NCK2: variants seen among roughly 807,000 people sequenced by gnomAD.
NCK2 encodes the protein NCK adaptor protein 2, also known as cytoplasmic protein NCK2.
A neutral mutation model predicts 33.9 loss-of-function variants in NCK2; 16 were observed. That is an observed-to-expected ratio of 0.47 (90% CI 0.32 to 0.72). NCK2 has a LOEUF of 0.72. NCK2 is among the 30% of genes least tolerant of loss of function. The pLI is 0.03. For missense variants in NCK2, 418 were observed against 537.3 expected (o/e 0.78, Z 2.19); for synonymous variants, 273 against 239.9 (o/e 1.14, Z -1.27).
intron 1 of NCK2, among the ~76,000 whole-genome samples, chr2:105,765,803 G>GTGTC (rs1553451282): frequency 3.3e-5 from 5 of 150,672 alleles, no homozygotes; most frequent in South Asian, 2.1e-4. Flanking sequence ...GTGTGTGTGT[G>GTGTC]TGTGTGTGTG....
intron 4 of NCK2, among the ~76,000 whole-genome samples, chr2:105,892,048 A>C (rs1679008012): frequency 6.6e-6 from 1 of 152,128 alleles, no homozygotes; most frequent in Non-Finnish European, 1.5e-5. Flanking sequence ...TTAGAATTAG[A>C]AAAATTAGCC....
chr2:105,844,631 G>A (rs545144031), intron 2 of NCK2, among the ~76,000 whole-genome samples: 5 of 150,296 alleles, frequency 3.3e-5, no homozygotes, highest in South Asian at 2.1e-4. Context: ...GCAGCTACTC[G>A]GGAGGGTGAG....
At chr2:105,887,104 A>G (rs1678752099) in intron 4 of NCK2, among the ~76,000 whole-genome samples, 1 of 152,232 alleles carries the variant, frequency 6.6e-6, no homozygotes, top group South Asian at 2.1e-4. Flanking sequence ...AGCTAGCAGC[A>G]TAAGTATAGG....
chr2:105,818,370 A>G (rs1411650106), intron 2 of NCK2, among the ~76,000 whole-genome samples: 1 of 151,758 alleles, frequency 6.6e-6, no homozygotes, highest in Non-Finnish European at 1.5e-5. Context: ...TGGCACATGT[A>G]TACATATATA....
chr2:105,782,751 T>C (rs996557028), intron 1 of NCK2, among the ~76,000 whole-genome samples: 2 of 152,110 alleles, frequency 1.3e-5, no homozygotes, highest in East Asian at 3.9e-4. Context: ...GCGAAGTGGA[T>C]GTCGGGGAGA....
At chr2:105,851,791 G>A (rs1307219664) in intron 2 of NCK2, 1 of 152,430 alleles carries the variant, frequency 6.6e-6, no homozygotes, top group Non-Finnish European at 1.5e-5. Context: ...CTGGAGTGAA[G>A]TGGTCGTTTA....
At chr2:105,807,244 C>T (rs971562172) in intron 1 of NCK2, among the ~76,000 whole-genome samples, 2 of 152,138 alleles carry the variant, frequency 1.3e-5, no homozygotes, top group Non-Finnish European at 1.5e-5. Context: ...TGGGAAGGGC[C>T]GCCCTCGCAG....
intron 1 of NCK2, among the ~76,000 whole-genome samples, chr2:105,805,561 T>C (rs1217567537): frequency 6.6e-6 from 1 of 152,312 alleles, no homozygotes; most frequent in East Asian, 1.9e-4. Context: ...AACTTACTCA[T>C]AACCAAAATT....
chr2:105,770,120 TAAGTAA>T (rs1014516891), intron 1 of NCK2, among the ~76,000 whole-genome samples: 6 of 54,766 alleles, frequency 1.1e-4, no homozygotes, highest in African/African-American at 5.3e-4. Context: ...AAAGCACTAA[TAAGTAA>T]AAAAAAAAAA....
At chr2:105,838,933 G>A (rs923765928) in intron 2 of NCK2, among the ~76,000 whole-genome samples, 1 of 152,206 alleles carries the variant, frequency 6.6e-6, no homozygotes, top group African/African-American at 2.4e-5. Flanking sequence ...GTGAAGTAAT[G>A]GTAAGGGCCA....
chr2:105,747,170 TC>T (rs1441253860), intron 1 of NCK2, among the ~76,000 whole-genome samples: 1 of 152,234 alleles, frequency 6.6e-6, no homozygotes, highest in Admixed American at 6.5e-5. Context: ...ATCTTCTTCA[TC>T]CTTGCTCTGT....
chr2:105,768,060 T>C (rs4851857), intron 1 of NCK2, among the ~76,000 whole-genome samples: 51,211 of 152,108 alleles, frequency 0.34, 9,742 homozygotes, highest in East Asian at 0.46. Flanking sequence ...TGCCAGTGTG[T>C]GCTAGATGTG....
chr2:105,812,815 C>CT (rs5833152), intron 1 of NCK2, among the ~76,000 whole-genome samples: 67,695 of 142,812 alleles, frequency 0.47, 16,602 homozygotes, highest in African/African-American at 0.63. Context: ...TTCAACAAGG[C>CT]TTTTTTTTTT....
intron 1 of NCK2, among the ~76,000 whole-genome samples, chr2:105,786,064 C>G (rs1690670595): frequency 1.3e-5 from 2 of 152,194 alleles, no homozygotes; most frequent in Admixed American, 6.5e-5. Context: ...GCCTTATTCT[C>G]ACGTCCCTTC....
intron 1 of NCK2, among the ~76,000 whole-genome samples, chr2:105,795,096 A>G (rs1691030556): frequency 6.6e-6 from 1 of 152,210 alleles, no homozygotes; most frequent in Non-Finnish European, 1.5e-5. Context: ...GTTCCCCCAC[A>G]TGAACTAGCA....
At chr2:105,746,485 C>T (rs1019756856) in intron 1 of NCK2, among the ~76,000 whole-genome samples, 1 of 152,332 alleles carries the variant, frequency 6.6e-6, no homozygotes, top group African/African-American at 2.4e-5. Context: ...ATGAAATTAA[C>T]CTGGGCCGCT....
intron 1 of NCK2, among the ~76,000 whole-genome samples, chr2:105,779,238 CAG>C (rs1207341007): frequency 7.1e-6 from 1 of 140,706 alleles, no homozygotes; most frequent in Non-Finnish European, 1.5e-5. Context: ...AACTGGGAGA[CAG>C]AGGTTGCAGT....
intron 4 of NCK2, among the ~76,000 whole-genome samples, chr2:105,883,125 G>C (rs925315033): frequency 1.3e-5 from 2 of 152,184 alleles, no homozygotes; most frequent in African/African-American, 2.4e-5. Flanking sequence ...CAATTTTGCG[G>C]AGCCTTACAT....
In NCK2 at chr2:105,749,643, A is replaced by G. The variant is rs554192041; in HGVS notation, c.-201+4505A>G. 5.3e-5 allele frequency among the ~76,000 whole-genome samples: 8 copies of G among 152,192 alleles called. No homozygotes were observed. In the South Asian group the frequency reaches 1.0e-3, roughly 20 times the overall value. ...TTTACAGAACACAGTGTCCTTGGGT[A>G]TCTGCCTTTGCCGTGTCGCAGCTGT... On this transcript the variant is annotated intron_variant, in intron 1 of 4. Transcript: ENST00000233154.
Sources: allele counts gnomAD v4.1 joint callset (sites outside exome capture counted in the v4.1 genomes callset), GRCh38; gene constraint gnomAD v4.1.1; transcripts MANE v1.5; gene names NCBI Gene and HGNC (gene_info 2026-07-23, HGNC 2026-07-21).